Variants in DNAH6 observed in about 807,000 individuals in gnomAD.
DNAH6 encodes the protein dynein axonemal heavy chain 6, also known as axonemal beta dynein heavy chain 6.
A neutral mutation model predicts 491.4 loss-of-function variants in DNAH6; 340 were observed. The observed-to-expected ratio is 0.69, with a 90% CI of 0.63 to 0.76. The LOEUF is 0.76. Among genes scored for constraint, DNAH6 ranks in the 30% least tolerant of loss-of-function variants. DNAH6 has a pLI of 0.00. For missense variants in DNAH6, 4,443 were observed against 4,972.2 expected (o/e 0.89, Z 3.20); for synonymous variants, 1,603 against 1,686.1 (o/e 0.95, Z 1.21).
At chr2:84,503,276 A>T in the DNAH6 span, among the ~76,000 whole-genome samples, 1 of 151,862 alleles carries the variant, frequency 6.6e-6, no homozygotes, top group South Asian at 2.1e-4. Flanking sequence ...ACTAATAAAA[A>T]CTCTATGCTT....
intron 2 of DNAH6, among the ~76,000 whole-genome samples, chr2:84,523,884 A>C (rs1258245072): frequency 6.6e-6 from 1 of 151,962 alleles, no homozygotes; most frequent in Non-Finnish European, 1.5e-5. Flanking sequence ...CATGTGGTTG[A>C]CTTTAGAAGA....
At chr2:84,469,806 C>A in the DNAH6 span, among the ~76,000 whole-genome samples, 1 of 152,164 alleles carries the variant, frequency 6.6e-6, no homozygotes, top group Non-Finnish European at 1.5e-5. The surrounding 1 kb of genome is among the most constrained non-coding windows in gnomAD (Gnocchi z 4.0). Context: ...CAGATTATTC[C>A]AAAGAGAATA....
chr2:84,590,498 CAAAAAA>C (rs35787415), intron 16 of DNAH6, among the ~76,000 whole-genome samples: 3 of 97,938 alleles, frequency 3.1e-5, no homozygotes, highest in East Asian at 3.2e-4. Flanking sequence ...GGCTCCATTT[CAAAAAA>C]AAAAAAAAAA....
chr2:84,649,541 C>T (rs1379345189), intron 33 of DNAH6, among the ~76,000 whole-genome samples: 1 of 152,054 alleles, frequency 6.6e-6, no homozygotes, highest in Admixed American at 6.6e-5. Context: ...GGGATATTTC[C>T]CCTGGATATA....
chr2:84,772,097 A>G (rs1675681503), intron 64 of DNAH6, among the ~76,000 whole-genome samples: 1 of 152,198 alleles, frequency 6.6e-6, no homozygotes, highest in African/African-American at 2.4e-5. Context: ...ATGTAGTAGC[A>G]AATTTTTTAT....
intron 18 of DNAH6, among the ~76,000 whole-genome samples, chr2:84,600,215 AT>A (rs772441826): frequency 3.2e-4 from 48 of 152,120 alleles, no homozygotes; most frequent in African/African-American, 5.1e-4. Context: ...CAGTTTATGC[AT>A]TTTTTAATAT....
chr2:84,689,589 G>C (rs1694644260), intron 45 of DNAH6, among the ~76,000 whole-genome samples: 1 of 152,164 alleles, frequency 6.6e-6, no homozygotes, highest in East Asian at 1.9e-4. Context: ...AAGCCAAATG[G>C]CTTTTTTGAC....
At chr2:84,602,797 GT>G (rs70949898) in intron 18 of DNAH6, among the ~76,000 whole-genome samples, 2,976 of 121,812 alleles carry the variant, frequency 0.024, 33 homozygotes, top group Middle Eastern at 0.12. Flanking sequence ...TGGATGCTCT[GT>G]TTTTTTTTTT....
rs768903075 is a variant in DNAH6, at chr2:84,549,980, A to G, written c.1408A>G (p.Lys470Glu). 1.2e-6 allele frequency: 2 copies of G among 1,614,042 alleles called. No individual in the cohort carries two copies. The highest frequency in any genetic ancestry group is 2.2e-5 in the South Asian group (2 of 91,080). The change falls in exon 9 of 77, where the codon AAG (lysine) becomes GAG (glutamate). Residue 470 changes from lysine to glutamate, a missense_variant. Physicochemically the swap from Lys to Glu is moderately conservative, Grantham distance 56. Around this residue, in one of 3 missense-constraint regions of DNAH6, gnomAD observed 2,977 missense variants for 3,296.6 expected, o/e 0.90. Transcript: ENST00000389394. ...TTCGCTTTTGAACCATCTCACTGACAAGCTAAAACGAACACCTTCAGCAGA... is the reference window on the plus strand; with the variant it reads ...TTCGCTTTTGAACCATCTCACTGACGAGCTAAAACGAACACCTTCAGCAGA... Reference protein sequence around the residue: ...VNSLLNHLTDKLKRTPSADVI... With the variant: ...VNSLLNHLTDELKRTPSADVI...
Position 84,621,155 on chromosome 2 carries a change from A to G in DNAH6, c.3793-36A>G, listed in dbSNP as rs372011115. 3.6e-5 allele frequency: 56 copies of G among 1,548,078 alleles called. No homozygotes were observed. In the African/African-American group the frequency reaches 6.2e-4, roughly 17 times the overall value. On this transcript the variant is annotated intron_variant, in intron 24 of 76. Coordinates refer to ENST00000389394, the MANE Select transcript of DNAH6 (RefSeq NM_001370.2). Reference sequence around the variant, plus strand: ...AAGGCATACAGCTTACAAGTCCCACACAAGCCACTTTATCAATGCTCTGAT... The same window carrying G: ...AAGGCATACAGCTTACAAGTCCCACGCAAGCCACTTTATCAATGCTCTGAT...
the DNAH6 span, among the ~76,000 whole-genome samples, chr2:84,475,939 T>TGATTTTCTAATC: frequency 1.3e-5 from 2 of 152,152 alleles, no homozygotes; most frequent in African/African-American, 4.8e-5. Flanking sequence ...CATTACTGCT[T>TGATTTTCTAATC]GATTTTCTAA....
At chr2:84,666,908 C>T (rs913426925) in intron 37 of DNAH6, among the ~76,000 whole-genome samples, 2 of 152,106 alleles carry the variant, frequency 1.3e-5, no homozygotes, top group Non-Finnish European at 2.9e-5. Context: ...GAGATATAGA[C>T]CAACGGAACC....
At chr2:84,544,936 T>A (rs576471453) in intron 5 of DNAH6, among the ~76,000 whole-genome samples, 3 of 152,280 alleles carry the variant, frequency 2.0e-5, no homozygotes, top group Admixed American at 1.3e-4. Flanking sequence ...ATATATTTCC[T>A]TTACAATGGA....
chr2:84,803,830 A>G (rs1226154578), intron 70 of DNAH6, among the ~76,000 whole-genome samples: 2 of 152,194 alleles, frequency 1.3e-5, no homozygotes, highest in African/African-American at 4.8e-5. Flanking sequence ...CCAGTTTTAA[A>G]ATATCGCCTC....
chr2:84,804,664 T>G (rs1372433355), intron 70 of DNAH6, among the ~76,000 whole-genome samples: 5 of 152,090 alleles, frequency 3.3e-5, no homozygotes, highest in Non-Finnish European at 7.4e-5. Flanking sequence ...TTCTCATGAT[T>G]TTTCCCTCAC....
rs536731794 is a variant in DNAH6, at chr2:84,619,728, C to G, written c.3616C>G (p.Gln1206Glu). ...TGATGAACTTCTGGAGATTTTGGCC[C>G]AGACACGAAATCCACAGGCCGTGCA... The part of the protein sequence containing the change: ...SNDELLEILA[Q>E]TRNPQAVQPH... The change falls in exon 24 of 77, where the codon CAG (glutamine) becomes GAG (glutamate). Residue 1206 changes from glutamine (Q) to glutamate (E), a missense_variant. By Grantham distance (29) the Gln-to-Glu change is conservative. Transcript: ENST00000389394. 5.2e-6 allele frequency: 8 copies of G among 1,551,568 alleles called. No individual in the cohort carries two copies. In the South Asian group the frequency reaches 9.5e-5, roughly 18 times the overall value.
chr2:84,596,090 G>A (rs1684550744), intron 18 of DNAH6, among the ~76,000 whole-genome samples: 1 of 152,094 alleles, frequency 6.6e-6, no homozygotes, highest in Admixed American at 6.5e-5. Context: ...AAACCCTTAG[G>A]GAGCCAGATG....
At position 84,624,634 on chromosome 2, in the gene DNAH6, C is replaced by T. The variant is rs1296794725; in HGVS notation, c.4353+14C>T. 6.5e-7 allele frequency: 1 copy of T among 1,549,830 alleles called. No individual in the cohort carries two copies. The highest frequency in any genetic ancestry group is 1.4e-5 in the African/African-American group (1 of 73,114). On this transcript the variant is annotated intron_variant, in intron 28 of 76. Coordinates refer to ENST00000389394, the MANE Select transcript of DNAH6 (RefSeq NM_001370.2). ...ACTCCACTCACAGTAAGTTATTGAT[C>T]ACTTGGGTTAATATTGACACAAGAG...
chr2:84,662,419 C>G (rs1319751999), intron 37 of DNAH6, among the ~76,000 whole-genome samples: 2 of 152,188 alleles, frequency 1.3e-5, no homozygotes, highest in Non-Finnish European at 2.9e-5. Flanking sequence ...CTGTGCTTTT[C>G]CAACGGTCTT....
Sources: allele counts gnomAD v4.1 joint callset (sites outside exome capture counted in the v4.1 genomes callset), GRCh38; gene constraint gnomAD v4.1.1; regional missense constraint gnomAD v4.1.1; non-coding constraint Gnocchi (gnomAD v3.1); transcripts MANE v1.5; gene names NCBI Gene and HGNC (gene_info 2026-07-23, HGNC 2026-07-21).